The following GPC5 variants were observed in gnomAD, a reference collection of about 807,000 sequenced individuals.
The protein encoded by GPC5 is glypican 5.
A neutral mutation model predicts 53.9 loss-of-function variants in GPC5; 47 were observed. That is an observed-to-expected ratio of 0.87 (90% CI 0.69 to 1.11). The LOEUF (loss-of-function observed/expected upper bound fraction) is 1.11. GPC5 is among the 50% of genes most tolerant of loss of function. The pLI, the probability that GPC5 is intolerant of heterozygous loss-of-function variation, is 0.00. For synonymous variants in GPC5, 286 were observed against 263.3 expected (o/e 1.09, Z -0.84); for missense variants, 748 against 713.1 (o/e 1.05, Z -0.56).
chr13:91,764,250 C>A (rs554263676), intron 5 of GPC5, among the ~76,000 whole-genome samples: 102 of 152,160 alleles, frequency 6.7e-4, no homozygotes, highest in Non-Finnish European at 5.0e-4. Flanking sequence ...GGTCAATATA[C>A]ACATTTTGGT....
chr13:92,383,223 A>G (rs2043764959), intron 7 of GPC5, among the ~76,000 whole-genome samples: 1 of 152,194 alleles, frequency 6.6e-6, no homozygotes, highest in African/African-American at 2.4e-5. Context: ...AATGTAAAAG[A>G]TGTTTAAGCC....
At chr13:92,437,267 C>A (rs1877344204) in intron 7 of GPC5, among the ~76,000 whole-genome samples, 1 of 152,102 alleles carries the variant, frequency 6.6e-6, no homozygotes, top group African/African-American at 2.4e-5. Context: ...AGTGACAGAT[C>A]TATCATTGTC....
chr13:92,304,635 G>A (rs2043098938), intron 7 of GPC5, among the ~76,000 whole-genome samples: 1 of 152,048 alleles, frequency 6.6e-6, no homozygotes, highest in Non-Finnish European at 1.5e-5. Context: ...TACATTATTT[G>A]AGTGGCTAGT....
At chr13:91,655,648 A>T (rs1458560375) in intron 2 of GPC5, among the ~76,000 whole-genome samples, 5 of 152,110 alleles carry the variant, frequency 3.3e-5, no homozygotes, top group Non-Finnish European at 7.4e-5. Context: ...ATAAGTTTTG[A>T]TCTTTATCAC....
At chr13:92,405,020 T>TA (rs1566576615) in intron 7 of GPC5, among the ~76,000 whole-genome samples, 2 of 150,406 alleles carry the variant, frequency 1.3e-5, no homozygotes, top group Non-Finnish European at 3.0e-5. Context: ...TATTTCTGGT[T>TA]ACAAAAATAT....
At chr13:92,045,531 C>T (rs1334848462) in intron 6 of GPC5, among the ~76,000 whole-genome samples, 1 of 152,006 alleles carries the variant, frequency 6.6e-6, no homozygotes, top group Non-Finnish European at 1.5e-5. Flanking sequence ...TCACCACCAC[C>T]CCCGTCATGA....
chr13:91,808,487 G>A (rs1164609836), intron 5 of GPC5, among the ~76,000 whole-genome samples: 4 of 152,040 alleles, frequency 2.6e-5, no homozygotes, highest in African/African-American at 9.7e-5. Context: ...GCTCTTACCT[G>A]TTTATTTGAA....
intron 2 of GPC5, among the ~76,000 whole-genome samples, chr13:91,637,226 G>A (rs1242874377): frequency 6.6e-6 from 1 of 151,972 alleles, no homozygotes; most frequent in Non-Finnish European, 1.5e-5. Flanking sequence ...AATATAAGAG[G>A]CTGAGAAAAG....
At chr13:92,429,905 T>G (rs1389052316) in intron 7 of GPC5, among the ~76,000 whole-genome samples, 1 of 152,098 alleles carries the variant, frequency 6.6e-6, no homozygotes, top group Non-Finnish European at 1.5e-5. Flanking sequence ...AAGAGATCTA[T>G]TGTACAACAT....
intron 7 of GPC5, among the ~76,000 whole-genome samples, chr13:92,543,666 A>G (rs1367224164): frequency 6.6e-6 from 1 of 152,114 alleles, no homozygotes; most frequent in Non-Finnish European, 1.5e-5. Context: ...CACTGATTTT[A>G]CAGGAGAGAG....
chr13:91,792,730 T>A (rs1159922451), intron 5 of GPC5, among the ~76,000 whole-genome samples: 1 of 152,168 alleles, frequency 6.6e-6, no homozygotes, highest in Non-Finnish European at 1.5e-5. Flanking sequence ...ACCAGTAAAT[T>A]CCATGGGCAT....
At chr13:92,692,037 C>T (rs1566366029) in intron 7 of GPC5, among the ~76,000 whole-genome samples, 1 of 152,130 alleles carries the variant, frequency 6.6e-6, no homozygotes, top group Admixed American at 6.6e-5. Flanking sequence ...TTCCCTCCCC[C>T]ATCTAATAGT....
intron 6 of GPC5, among the ~76,000 whole-genome samples, chr13:91,932,797 T>C (rs752625149): frequency 2.4e-4 from 37 of 152,062 alleles, no homozygotes; most frequent in South Asian, 1.0e-3. Context: ...CTTTTTCCAA[T>C]TGATGGTTCT....
At chr13:92,712,076 A>G (rs1053762692) in intron 7 of GPC5, among the ~76,000 whole-genome samples, 3 of 151,586 alleles carry the variant, frequency 2.0e-5, no homozygotes, top group Non-Finnish European at 4.4e-5. Flanking sequence ...AATGAAATTT[A>G]AAACAAAAAA....
chr13:92,691,758 A>G (rs994796340), intron 7 of GPC5, among the ~76,000 whole-genome samples: 1 of 151,920 alleles, frequency 6.6e-6, no homozygotes, highest in East Asian at 1.9e-4. Flanking sequence ...TTTTCTATAT[A>G]GATGGTTTTA....
chr13:91,493,293 A>G (rs1030703615), intron 2 of GPC5, among the ~76,000 whole-genome samples: 1 of 152,218 alleles, frequency 6.6e-6, no homozygotes, highest in Non-Finnish European at 1.5e-5. Context: ...TAATAATCAC[A>G]TCATGGAAAA....
At chr13:92,791,464 A>G (rs1455975343) in intron 7 of GPC5, among the ~76,000 whole-genome samples, 1 of 151,838 alleles carries the variant, frequency 6.6e-6, no homozygotes, top group African/African-American at 2.4e-5. Flanking sequence ...TGTCCTCACA[A>G]AGGAGGGACA....
At chr13:91,962,604 A>G (rs1229984511) in intron 6 of GPC5, among the ~76,000 whole-genome samples, 1 of 152,128 alleles carries the variant, frequency 6.6e-6, no homozygotes, top group Non-Finnish European at 1.5e-5. Flanking sequence ...ATACCTTCAA[A>G]CACACATTTT....
chr13:92,402,625 C>T (rs1243992754), intron 7 of GPC5, among the ~76,000 whole-genome samples: 4 of 152,170 alleles, frequency 2.6e-5, no homozygotes, highest in African/African-American at 4.8e-5. Context: ...GCAGCCTAGA[C>T]CCCTCACATG....
Sources: allele counts gnomAD v4.1 joint callset (sites outside exome capture counted in the v4.1 genomes callset), GRCh38; gene constraint gnomAD v4.1.1; transcripts MANE v1.5; gene names NCBI Gene and HGNC (gene_info 2026-07-23, HGNC 2026-07-21).